DNAH6: variants seen among roughly 807,000 people sequenced by gnomAD.
DNAH6 encodes the protein axonemal beta dynein heavy chain 6.
DNAH6 carries 340 observed loss-of-function variants against 491.4 expected under a neutral mutation model. The ratio of observed to expected loss-of-function variants is 0.69; its 90% confidence interval spans 0.63 to 0.76. DNAH6 has a LOEUF of 0.76. DNAH6 is among the 30% of genes least tolerant of loss of function. The pLI is 0.00. For synonymous variants in DNAH6, 1,603 were observed against 1,686.1 expected, an observed-to-expected ratio of 0.95 and a Z score of 1.21; for missense variants, 4,443 against 4,972.2, an observed-to-expected ratio of 0.89 and a Z score of 3.20.
At chr2:84,784,897 A>AT in intron 66 of DNAH6, 87 bp downstream of exon 66, 3 of 936,286 alleles carry the variant, frequency 3.2e-6, no homozygotes, top group Non-Finnish European at 5.0e-6. Flanking sequence ...GAGCCTGCAC[A>AT]GAAGCATGTG....
chr2:84,522,101 G>A (rs1031003505), intron 2 of DNAH6, among the ~76,000 whole-genome samples: 2 of 151,874 alleles, frequency 1.3e-5, no homozygotes, highest in Admixed American at 6.6e-5. Context: ...TTCCTATCAC[G>A]GAGAGCATGG....
chr2:84,631,256 A>G (rs1017589141), intron 29 of DNAH6, among the ~76,000 whole-genome samples: 2 of 152,102 alleles, frequency 1.3e-5, no homozygotes, highest in Admixed American at 6.6e-5. Context: ...CCAAACCACA[A>G]AAAATAATCT....
chr2:84,725,210 C>T (rs1311757079), intron 60 of DNAH6, among the ~76,000 whole-genome samples: 1 of 152,174 alleles, frequency 6.6e-6, no homozygotes, highest in Non-Finnish European at 1.5e-5. Flanking sequence ...TTCAGATAGT[C>T]AAACAATTCT....
intron 63 of DNAH6, among the ~76,000 whole-genome samples, chr2:84,757,391 C>T (rs992033149): frequency 1.2e-4 from 18 of 152,132 alleles, no homozygotes; most frequent in African/African-American, 4.1e-4. Flanking sequence ...AGATCTGATA[C>T]GGACTTTGAA....
intron 4 of DNAH6, among the ~76,000 whole-genome samples, chr2:84,532,850 G>A (rs1465416907): frequency 6.6e-6 from 1 of 152,108 alleles, no homozygotes; most frequent in African/African-American, 2.4e-5. Context: ...TGCTTAGAGA[G>A]AAAATAGAAT....
At chr2:84,557,384 C>T (rs368735309) in intron 10 of DNAH6, among the ~76,000 whole-genome samples, 1 of 151,982 alleles carries the variant, frequency 6.6e-6, no homozygotes, top group African/African-American at 2.4e-5. Flanking sequence ...CGGTGGCTCA[C>T]GCCTGTAATC....
rs1176556447 is a variant in DNAH6, at chr2:84,659,092, G to A, written c.6007G>A (p.Gly2003Arg). ...FVFCYLWSLG[G>R]NLTENYYDSF... The stretch of plus-strand genomic sequence containing the variant: ...ATTCTGTTATTTGTGGTCTTTGGGT[G>A]GAAACCTAACTGAAAACTACTATGA... Residue 2003 changes from glycine to arginine, a missense_variant, in exon 37 of 77, where the codon GGA becomes AGA. Gly to Arg is a moderately radical substitution (Grantham distance 125). This residue lies in a region of DNAH6 where 2,977 missense variants were observed against 3,296.6 expected (regional missense o/e 0.90). Transcript: ENST00000389394. The A allele has an allele frequency of 4.0e-6, 6 of 1,508,740 alleles. No homozygotes were observed. Among genetic ancestry groups the A allele is most frequent in the African/African-American group, 2.8e-5 (2 of 72,000 alleles). 93.5% of individuals were successfully genotyped at this position (1,508,740 alleles called of 1,614,324 possible). A position where few individuals can be genotyped will look rare whatever the true frequency, so the allele number is the denominator to read the frequency against.
At chr2:84,764,854 G>A (rs1034370583) in intron 64 of DNAH6, among the ~76,000 whole-genome samples, 5 of 152,018 alleles carry the variant, frequency 3.3e-5, no homozygotes, top group African/African-American at 4.8e-5. Flanking sequence ...AGTTGATTCC[G>A]TATCGTTGCT....
At chr2:84,775,221 A>C (rs1404265867) in intron 64 of DNAH6, among the ~76,000 whole-genome samples, 1 of 152,044 alleles carries the variant, frequency 6.6e-6, no homozygotes, top group Non-Finnish European at 1.5e-5. Flanking sequence ...TGTCATGAAG[A>C]AATGTTGGAT....
At chr2:84,599,418 C>T (rs1685008859) in intron 18 of DNAH6, among the ~76,000 whole-genome samples, 2 of 151,876 alleles carry the variant, frequency 1.3e-5, no homozygotes, top group South Asian at 4.2e-4. Flanking sequence ...TAAGGTCACA[C>T]ATATTTTCTC....
chr2:84,624,833 G>A, intron 28 of DNAH6, 69 bp from the exon 29 acceptor site: 6 of 1,419,600 alleles, frequency 4.2e-6, no homozygotes, highest in Non-Finnish European at 5.6e-6. Context: ...TTCCCCCATA[G>A]AGAGGAAATG....
chr2:84,506,517 T>C, the DNAH6 span, among the ~76,000 whole-genome samples: 1 of 152,216 alleles, frequency 6.6e-6, no homozygotes, highest in African/African-American at 2.4e-5. Flanking sequence ...ATTCTGTAGG[T>C]TGCCTGTTCA....
chr2:84,546,836 C>A (rs563615385), intron 5 of DNAH6, among the ~76,000 whole-genome samples: 1 of 152,276 alleles, frequency 6.6e-6, no homozygotes, highest in Admixed American at 6.5e-5. Context: ...TCCAAAGCAA[C>A]TTGTTACCCA....
Position 84,731,475 on chromosome 2 carries a change from G to A in DNAH6, c.10207-1969G>A, listed in dbSNP as rs1573633955. Among the ~76,000 whole-genome samples the A allele has an allele frequency of 2.0e-5, 3 of 152,306 alleles. No individual in the cohort carries two copies. The Middle Eastern group carries it at 0.01, about 518-fold the overall frequency. On this transcript the variant is annotated intron_variant, in intron 61 of 76. Transcript: ENST00000389394. The stretch of plus-strand genomic sequence containing the variant: ...TGGCAGAGGCAAGCTGAGGAGACCT[G>A]AAGCTACTCTCTTCCCATCCATGGC...
In DNAH6 at chr2:84,579,678, G is replaced by T; in HGVS notation, c.2228G>T (p.Arg743Leu). ...SLLFLDEIQE[R>L]IESLEDEGNI... Reference sequence around the variant, plus strand: ...TTATTTCTTGATGAAATTCAGGAACGGGTGAGTTGATTATCTCATATAACT... The same window carrying T: ...TTATTTCTTGATGAAATTCAGGAACTGGTGAGTTGATTATCTCATATAACT... Residue 743 changes from arginine (R) to leucine (L), a missense_variant and splice_region_variant, in exon 14 of 77, where the codon CGG becomes CTG. Transcript: ENST00000389394. 1 of 1,578,544 alleles carries T rather than the reference G, an allele frequency of 6.3e-7. No individual in the cohort carries two copies. The highest frequency in any genetic ancestry group is 1.9e-5 in the Admixed American group (1 of 53,434).
chr2:84,476,834 A>C, the DNAH6 span, among the ~76,000 whole-genome samples: 1 of 152,168 alleles, frequency 6.6e-6, no homozygotes, highest in Admixed American at 6.5e-5. Flanking sequence ...CTTTGTAATA[A>C]TTGCCTTAGG....
chr2:84,462,549 G>A, the DNAH6 span, among the ~76,000 whole-genome samples: 7 of 152,228 alleles, frequency 4.6e-5, no homozygotes, highest in Non-Finnish European at 2.9e-5. Flanking sequence ...TTAACAAGGG[G>A]ACTGATGCTT....
the DNAH6 span, among the ~76,000 whole-genome samples, chr2:84,489,737 C>T: frequency 6.6e-6 from 1 of 152,120 alleles, no homozygotes; most frequent in Non-Finnish European, 1.5e-5. Flanking sequence ...CACTCCTTGA[C>T]CTATATTTGT....
In DNAH6 at chr2:84,584,261, T is replaced by A. The variant is rs756433348; in HGVS notation, c.2481+11T>A. The A allele has an allele frequency of 6.2e-7, 1 of 1,609,936 alleles. No homozygotes were observed. Among genetic ancestry groups the A allele is most frequent in the Non-Finnish European group, 8.5e-7 (1 of 1,177,062 alleles). ...AAACTGCAAGCACAGGTAAGCTAAA[T>A]CATTATTTTGTAAAAATAATCTATG... On this transcript the variant is annotated intron_variant, in intron 15 of 76. Transcript: ENST00000389394.
Sources: gnomAD v4.1 joint callset for allele counts (sites outside exome capture counted in the v4.1 genomes callset) on GRCh38, gnomAD v4.1.1 for gene constraint, gnomAD v4.1.1 regional missense constraint, MANE v1.5 for transcripts, NCBI Gene and HGNC (gene_info 2026-07-23, HGNC 2026-07-21) for gene names.